Variants in SLA observed in about 807,000 individuals in gnomAD.
SLA encodes the protein Src like adaptor.
Under a neutral mutation model 30.3 loss-of-function variants are expected in SLA, and 16 were observed. The observed-to-expected ratio is 0.53, with a 90% CI of 0.36 to 0.80. SLA has a LOEUF of 0.80. SLA is among the 30% of genes least tolerant of loss of function. The pLI, the probability that SLA is intolerant of heterozygous loss-of-function variation, is 0.01. For synonymous variants in SLA, 143 were observed against 137.8 expected (o/e 1.04, Z -0.26); for missense variants, 310 against 345.2 (o/e 0.90, Z 0.81).
chr8:133,067,230 G>A lies in SLA; in HGVS notation c.-40-7030C>T, dbSNP rs981675221. ...GGGGGCTGCCGAGGCCACTTACCCC[G>A]TGACCCACATAGTCCCCTGCTCTCC... On this transcript the variant is annotated intron_variant, in intron 2 of 8. Coordinates refer to ENST00000338087, the MANE Select transcript of SLA (RefSeq NM_001045556.3). Among the ~76,000 whole-genome samples, 17 of 152,218 alleles carry A rather than the reference G, an allele frequency of 1.1e-4. No homozygotes were observed. The East Asian group carries it at 1.6e-3, about 14-fold the overall frequency.
At chr8:133,086,106 G>A (rs967467356) in intron 1 of SLA, among the ~76,000 whole-genome samples, 1 of 152,302 alleles carries the variant, frequency 6.6e-6, no homozygotes, top group South Asian at 2.1e-4. Context: ...GACACAGAAG[G>A]CTACATATTC....
rs191999585 is a variant in SLA, at chr8:133,058,980, C to T, written c.61+1120G>A. On this transcript the variant is annotated intron_variant, in intron 3 of 8. Coordinates refer to ENST00000338087, the MANE Select transcript of SLA (RefSeq NM_001045556.3). ...GGGGGCATTGGAGGCCATCAGACCA[C>T]ACAAGCTGGGCCTGTCCATTTTGGA... 1,014 of 472,100 alleles carry T rather than the reference C, an allele frequency of 2.1e-3. 7 individuals carry two copies. Among genetic ancestry groups the T allele is most frequent in the South Asian group, 9.2e-3 (607 of 65,896 alleles). 29.2% of individuals were successfully genotyped at this position (472,100 alleles called of 1,614,324 possible). A position where few individuals can be genotyped will look rare whatever the true frequency, so the allele number is the denominator to read the frequency against.
At chr8:133,068,999 A>G (rs1843537398) in intron 2 of SLA, among the ~76,000 whole-genome samples, 1 of 152,266 alleles carries the variant, frequency 6.6e-6, no homozygotes, top group Non-Finnish European at 1.5e-5. Context: ...TTGGCAATGA[A>G]GAAAGAGTGG....
At chr8:133,095,188 C>T (rs1848217559) in intron 1 of SLA, 5 of 1,614,226 alleles carry the variant, frequency 3.1e-6, no homozygotes, top group Non-Finnish European at 4.2e-6. Flanking sequence ...TGCCAATGTC[C>T]TCAATGATGC....
chr8:133,070,019 AAAAAAAAG>A lies in SLA; in HGVS notation c.-41+4826_-41+4833del, dbSNP rs1449705377. ...CCAGCTCCAAAAAAAAAAAAAAAAA[AAAAAAAAG>A]AAAGAAAGAAAGAAAAGAAAAGAAG... On this transcript the variant is annotated intron_variant, in intron 2 of 8. Coordinates refer to ENST00000338087, the MANE Select transcript of SLA (RefSeq NM_001045556.3). Among the ~76,000 whole-genome samples, 121 of 95,740 alleles carry A rather than the reference AAAAAAAAG, an allele frequency of 1.3e-3. 11 individuals carry two copies. Among genetic ancestry groups the A allele is most frequent in the African/African-American group, 4.0e-3 (120 of 29,640 alleles). 62.8% of individuals were successfully genotyped at this position (95,740 alleles called of 152,430 possible).
chr8:133,081,604 G>T, intron 1 of SLA, among the ~76,000 whole-genome samples: 1 of 152,062 alleles, frequency 6.6e-6, no homozygotes. Flanking sequence ...AAAAGTAGCC[G>T]CTTTATGTCC....
At chr8:133,090,930 A>G (rs1564177729) in intron 1 of SLA, among the ~76,000 whole-genome samples, 1 of 152,160 alleles carries the variant, frequency 6.6e-6, no homozygotes, top group Non-Finnish European at 1.5e-5. Context: ...CACACTGGTT[A>G]GAACATGGAG....
At chr8:133,067,631 C>G (rs1237359563) in intron 2 of SLA, among the ~76,000 whole-genome samples, 3 of 152,032 alleles carry the variant, frequency 2.0e-5, no homozygotes, top group Non-Finnish European at 4.4e-5. Context: ...CAAAAATTAG[C>G]TGGGTGTGGT....
At position 133,045,130 on chromosome 8, in the gene SLA, G is replaced by T. The variant is rs1458601788; in HGVS notation, c.353-15C>A. On this transcript the variant is annotated splice_polypyrimidine_tract_variant and intron_variant, in intron 6 of 8. Transcript: ENST00000338087. ...TGAGTAAAACCCTGCAGGAGGTGGA[G>T]GATAAGTCAGTGGGCTCCACCTGTC... is the stretch of plus-strand genomic sequence containing the variant. 1 of 1,613,814 alleles carries T rather than the reference G, an allele frequency of 6.2e-7. No homozygotes were observed. The highest frequency in any genetic ancestry group is 1.7e-5 in the Admixed American group (1 of 60,012).
chr8:133,066,455 A>G (rs1453729451), intron 2 of SLA, among the ~76,000 whole-genome samples: 1 of 152,194 alleles, frequency 6.6e-6, no homozygotes, highest in East Asian at 1.9e-4. Context: ...ATACACGTGG[A>G]AAAATATTAA....
chr8:133,092,849 C>A (rs962939483), intron 1 of SLA, among the ~76,000 whole-genome samples: 2 of 152,204 alleles, frequency 1.3e-5, no homozygotes, highest in South Asian at 4.1e-4. Flanking sequence ...AAAAAGGTTT[C>A]CTTCAGAAAG....
At position 133,037,045 on chromosome 8, in the gene SLA, A is replaced by G. The variant is rs1192942004; in HGVS notation, c.*1479T>C. 1 of 152,238 alleles carries G rather than the reference A, an allele frequency of 6.6e-6. No homozygotes were observed. Among genetic ancestry groups the G allele is most frequent in the Non-Finnish European group, 1.5e-5 (1 of 68,042 alleles). The allele number at this position is 152,238 out of a possible 1,614,324, so 9.4% of individuals were successfully genotyped here. A position where few individuals can be genotyped will look rare whatever the true frequency, so the allele number is the denominator to read the frequency against. On this transcript the variant is annotated 3_prime_UTR_variant, in exon 9 of 9. Coordinates refer to ENST00000338087, the MANE Select transcript of SLA (RefSeq NM_001045556.3). ...TTGTATAAACACACTAGAATCTATG[A>G]TACAGAAAACTGTGTAACTGCACAT...
In SLA at chr8:133,037,714, T is replaced by C. The variant is rs945298020; in HGVS notation, c.*810A>G. The C allele has an allele frequency of 2.0e-5, 3 of 152,062 alleles. No individual in the cohort carries two copies. The highest frequency in any genetic ancestry group is 1.3e-4 in the Admixed American group (2 of 15,270). The allele number at this position is 152,062 out of a possible 1,614,324, so 9.4% of individuals were successfully genotyped here. On this transcript the variant is annotated 3_prime_UTR_variant, in exon 9 of 9. Coordinates refer to ENST00000338087, the MANE Select transcript of SLA (RefSeq NM_001045556.3). ...GCCTATTCGGGCAATAAATGAATAC[T>C]TGATGCATTCATACAGGCAAGAATC...
At chr8:133,081,966 GAGGGCTGT>G (rs1216757014) in intron 1 of SLA, among the ~76,000 whole-genome samples, 4 of 152,226 alleles carry the variant, frequency 2.6e-5, no homozygotes, top group Non-Finnish European at 5.9e-5. Flanking sequence ...TCTAAGCAAA[GAGGGCTGT>G]AGCCAGGAAT....
intron 3 of SLA, among the ~76,000 whole-genome samples, chr8:133,051,919 A>G (rs1840477719): frequency 6.6e-6 from 1 of 152,198 alleles, no homozygotes; most frequent in African/African-American, 2.4e-5. Flanking sequence ...GCAACTACTT[A>G]CTGAGCACCT....
Position 133,038,397 on chromosome 8 carries a change from TG to T in SLA, c.*126del. On this transcript the variant is annotated 3_prime_UTR_variant, in exon 9 of 9. Coordinates refer to ENST00000338087, the MANE Select transcript of SLA (RefSeq NM_001045556.3). ...GAAGATGCGAATTTGAGTCTCCATG[TG>T]GCTTCTCTTGGCTTCTAAAATACGT... The T allele has an allele frequency of 1.4e-6, 1 of 724,716 alleles. No homozygotes were observed. The highest frequency in any genetic ancestry group is 2.4e-6 in the Non-Finnish European group (1 of 411,280). 44.9% of individuals were successfully genotyped at this position (724,716 alleles called of 1,614,324 possible). A position where few individuals can be genotyped will look rare whatever the true frequency, so the allele number is the denominator to read the frequency against.
At chr8:133,045,202 G>GTCTCCCTGCCTCA in intron 6 of SLA, 87 bp from the exon 7 acceptor site, 5 of 1,438,008 alleles carry the variant, frequency 3.5e-6, no homozygotes, top group Non-Finnish European at 4.8e-6. Context: ...ACTGAGGCAG[G>GTCTCCCTGCCTCA]GAGACCTGCC....
intron 2 of SLA, among the ~76,000 whole-genome samples, chr8:133,062,524 C>G (rs1172470248): frequency 6.6e-6 from 1 of 152,268 alleles, no homozygotes; most frequent in Non-Finnish European, 1.5e-5. Context: ...ATCCCACCCA[C>G]GTAGTGGGAG....
At chr8:133,084,876 G>A (rs572677463) in intron 1 of SLA, among the ~76,000 whole-genome samples, 12 of 152,346 alleles carry the variant, frequency 7.9e-5, no homozygotes, top group Middle Eastern at 3.4e-3. Context: ...GTTGAGTGCA[G>A]ATTCTGTTTG....
Sources: allele counts gnomAD v4.1 joint callset (sites outside exome capture counted in the v4.1 genomes callset), GRCh38; gene constraint gnomAD v4.1.1; transcripts MANE v1.5; gene names NCBI Gene and HGNC (gene_info 2026-07-23, HGNC 2026-07-21).